Variants in HIVEP3 observed in about 807,000 individuals in gnomAD.
HIVEP3 encodes the protein transcription factor HIVEP3.
HIVEP3 carries 49 observed loss-of-function variants against 152.8 expected under a neutral mutation model. The observed-to-expected ratio is 0.32, with a 90% CI of 0.26 to 0.41. The LOEUF (loss-of-function observed/expected upper bound fraction) is 0.41. HIVEP3 is among the 10% of genes least tolerant of loss of function. The pLI, the probability that HIVEP3 is intolerant of heterozygous loss-of-function variation, is 1.00. For synonymous variants in HIVEP3, 1,269 were observed against 1,289.0 expected (o/e 0.98, Z 0.33); for missense variants, 2,790 against 3,103.3 (o/e 0.90, Z 2.40).
At position 41,931,824 on chromosome 1, in the gene HIVEP3, C is replaced by T. The variant is rs184730616; in HGVS notation, n.120-13300G>A. On this transcript the variant is annotated intron_variant and non_coding_transcript_variant, in intron 1 of 3. Coordinates refer to the HIVEP3 transcript ENST00000489103. ...CTTTGTATCTTGCAACCTTACTAAA[C>T]TCACTTATTAGTCCTAGAAACTTTT... Among the ~76,000 whole-genome samples the T allele has an allele frequency of 5.3e-5, 8 of 152,128 alleles. No individual in the cohort carries two copies. The East Asian group carries it at 1.5e-3, about 29-fold the overall frequency.
intron 1 of HIVEP3, among the ~76,000 whole-genome samples, chr1:41,728,653 C>A (rs2124182205): frequency 6.6e-6 from 1 of 152,350 alleles, no homozygotes. Context: ...GGGCATGCCA[C>A]TGGGGATGCT....
At chr1:41,767,105 T>C (rs1460821021) in intron 1 of HIVEP3, among the ~76,000 whole-genome samples, 2 of 152,158 alleles carry the variant, frequency 1.3e-5, no homozygotes, top group African/African-American at 4.8e-5. Context: ...CTTACTCAGG[T>C]CCTGAACCTC....
intron 3 of HIVEP3, among the ~76,000 whole-genome samples, chr1:41,605,061 C>T (rs1169985892): frequency 1.4e-5 from 2 of 146,692 alleles, no homozygotes; most frequent in Non-Finnish European, 3.0e-5. Flanking sequence ...GCTGAGATCA[C>T]GCCACAGCAC....
At chr1:41,748,590 G>T (rs1249508589) in intron 1 of HIVEP3, among the ~76,000 whole-genome samples, 1 of 152,218 alleles carries the variant, frequency 6.6e-6, no homozygotes, top group African/African-American at 2.4e-5. Flanking sequence ...CTTGTCACCT[G>T]CCAGGTACTG....
intron 1 of HIVEP3, among the ~76,000 whole-genome samples, chr1:41,753,537 A>T (rs2083465): frequency 1.3e-5 from 2 of 151,852 alleles, no homozygotes; most frequent in African/African-American, 4.8e-5. Context: ...GTGTGGTGGC[A>T]TGTGCCTGTA....
chr1:41,654,086 T>G (rs17364164), intron 2 of HIVEP3, among the ~76,000 whole-genome samples: 1 of 151,776 alleles, frequency 6.6e-6, no homozygotes, highest in Non-Finnish European at 1.5e-5. Flanking sequence ...ATTATATAGA[T>G]ATATAGTCAC....
chr1:41,583,019 G>A lies in HIVEP3; in HGVS notation c.1779C>T (p.Ile593=), dbSNP rs35586296. 1.9e-5 allele frequency: 31 copies of A among 1,614,018 alleles called. No homozygotes were observed. Among genetic ancestry groups the A allele is most frequent in the East Asian group, 2.2e-5 (1 of 44,874 alleles). Residue 593 remains isoleucine (I), a synonymous_variant, in exon 4 of 9, where the codon ATC becomes ATT. Transcript: ENST00000372583. This position sits in a 1 kb window ranked among gnomAD's most constrained non-coding sequence, Gnocchi z 6.9. ...HPRMLKRQPA[I]ELPLGGEYSS... ...TGTATTCCCCTCCCAAAGGTAATTC[G>A]ATTGCCGGCTGGCGCTTCAGCATCC...
At chr1:41,536,236 T>C (rs766404352) in intron 5 of HIVEP3, among the ~76,000 whole-genome samples, 2 of 152,040 alleles carry the variant, frequency 1.3e-5, no homozygotes, top group Non-Finnish European at 2.9e-5. Context: ...ACCAGATGAA[T>C]AGGCTATGAG....
intron 1 of HIVEP3, among the ~76,000 whole-genome samples, chr1:41,855,699 T>C (rs903443392): frequency 2.0e-5 from 3 of 152,178 alleles, no homozygotes; most frequent in African/African-American, 7.2e-5. Flanking sequence ...TATGGCTCTA[T>C]CTCCCCCACT....
chr1:41,718,799 T>A (rs1646635033), intron 1 of HIVEP3, among the ~76,000 whole-genome samples: 1 of 143,890 alleles, frequency 6.9e-6, no homozygotes, highest in South Asian at 2.1e-4. Context: ...CACACACACG[T>A]GCACACACAC....
At chr1:41,721,395 G>A (rs1193419833) in intron 1 of HIVEP3, among the ~76,000 whole-genome samples, 6 of 152,042 alleles carry the variant, frequency 3.9e-5, no homozygotes, top group African/African-American at 1.5e-4. Flanking sequence ...TAGTGGAGAC[G>A]GGATTTCATC....
At chr1:41,914,199 C>T (rs1644837741) in intron 1 of HIVEP3, among the ~76,000 whole-genome samples, 1 of 152,212 alleles carries the variant, frequency 6.6e-6, no homozygotes, top group Non-Finnish European at 1.5e-5. Context: ...AACCTCCCAA[C>T]AGGGCAGTCC....
chr1:41,765,288 C>T (rs1382471570), intron 1 of HIVEP3, among the ~76,000 whole-genome samples: 1 of 152,192 alleles, frequency 6.6e-6, no homozygotes, highest in African/African-American at 2.4e-5. Context: ...GTTCCCTTGG[C>T]CTATGACTTT....
chr1:41,683,948 G>A (rs1174509388), intron 2 of HIVEP3, among the ~76,000 whole-genome samples: 3 of 152,164 alleles, frequency 2.0e-5, no homozygotes, highest in African/African-American at 7.2e-5. Flanking sequence ...GTGGGGTGCA[G>A]GGTGTTGCTA....
chr1:41,562,057 T>C (rs1644073409), intron 5 of HIVEP3, among the ~76,000 whole-genome samples: 1 of 152,190 alleles, frequency 6.6e-6, no homozygotes, highest in Admixed American at 6.5e-5. Flanking sequence ...CTCCCTTTGC[T>C]GAACACTTGT....
chr1:41,538,069 T>G lies in HIVEP3; in HGVS notation c.5208-13159A>C, dbSNP rs912529460. 7.2e-5 allele frequency among the ~76,000 whole-genome samples: 11 copies of G among 152,168 alleles called. No individual in the cohort carries two copies. The East Asian group carries it at 2.1e-3, about 29-fold the overall frequency. ...TAAAGCAAAGAGATGGAAACAGTAATACAGACAATGAGCAAAGTGCTACGG... is the reference window on the plus strand; with the variant it reads ...TAAAGCAAAGAGATGGAAACAGTAAGACAGACAATGAGCAAAGTGCTACGG... On this transcript the variant is annotated intron_variant, in intron 5 of 8. Transcript: ENST00000372583.
chr1:41,717,454 G>A (rs1002347862), intron 1 of HIVEP3, among the ~76,000 whole-genome samples: 2 of 152,230 alleles, frequency 1.3e-5, no homozygotes, highest in African/African-American at 2.4e-5. Flanking sequence ...AAAGGAAAGA[G>A]AAAGTGACTA....
intron 5 of HIVEP3, among the ~76,000 whole-genome samples, chr1:41,529,581 C>A (rs1243160811): frequency 1.9e-4 from 27 of 139,272 alleles, no homozygotes; most frequent in Admixed American, 1.8e-3. Flanking sequence ...CACATACGTC[C>A]CCACCTTCAT....
chr1:41,521,403 G>A (rs568241516), intron 6 of HIVEP3, among the ~76,000 whole-genome samples: 39 of 152,346 alleles, frequency 2.6e-4, no homozygotes, highest in Admixed American at 2.2e-3. Flanking sequence ...CTCTGCCCCC[G>A]CCACGGGGGT....
Sources: allele counts gnomAD v4.1 joint callset (sites outside exome capture counted in the v4.1 genomes callset), GRCh38; gene constraint gnomAD v4.1.1; non-coding constraint Gnocchi (gnomAD v3.1); transcripts MANE v1.5; gene names NCBI Gene and HGNC (gene_info 2026-07-23, HGNC 2026-07-21).